The following DHX40 variants were observed in gnomAD, a reference collection of about 807,000 sequenced individuals.
The protein encoded by DHX40 is DEAH-box helicase 40.
A neutral mutation model predicts 89.6 loss-of-function variants in DHX40; 28 were observed. That is an observed-to-expected ratio of 0.31 (90% CI 0.23 to 0.43). The LOEUF (loss-of-function observed/expected upper bound fraction) is 0.43. Ranked by LOEUF, DHX40 falls within the 20% of genes least tolerant of loss-of-function variation. DHX40 has a pLI of 1.00. For missense variants in DHX40, 457 were observed against 844.0 expected (o/e 0.54, Z 5.68); for synonymous variants, 226 against 283.6 (o/e 0.80, Z 2.04).
rs576203723 is a variant in DHX40, at chr17:59,601,248, A to G, written c.1807-1274A>G. Among the ~76,000 whole-genome samples, 12 of 152,176 alleles carry G rather than the reference A, an allele frequency of 7.9e-5. No homozygotes were observed. In the East Asian group the frequency reaches 2.1e-3, roughly 27 times the overall value. On this transcript the variant is annotated intron_variant, in intron 14 of 17. Transcript: ENST00000251241. ...TGCTTGAGCCTAGGAGATCCAGGCTACAGTGAGCTGTGATCACACAACTTC... is the reference window on the plus strand; with the variant it reads ...TGCTTGAGCCTAGGAGATCCAGGCTGCAGTGAGCTGTGATCACACAACTTC...
intron 2 of DHX40, among the ~76,000 whole-genome samples, chr17:59,569,891 A>C (rs1353295668): frequency 6.9e-6 from 1 of 145,358 alleles, no homozygotes; most frequent in Non-Finnish European, 1.5e-5. Context: ...GCTAAAATAC[A>C]AAATTAGCCC....
At chr17:59,603,056 A>G (rs1417752158) in intron 15 of DHX40, among the ~76,000 whole-genome samples, 1 of 152,108 alleles carries the variant, frequency 6.6e-6, no homozygotes, top group African/African-American at 2.4e-5. Flanking sequence ...CTTTATAGAG[A>G]AAGGGGTAAC....
intron 12 of DHX40, among the ~76,000 whole-genome samples, chr17:59,597,970 G>A (rs1329921673): frequency 6.8e-6 from 1 of 147,376 alleles, no homozygotes; most frequent in East Asian, 2.0e-4. Context: ...GGGCTCAAGC[G>A]ATCTTCCCAC....
intron 17 of DHX40, among the ~76,000 whole-genome samples, chr17:59,606,658 A>T (rs1053081914): frequency 1.3e-5 from 2 of 151,386 alleles, no homozygotes; most frequent in Non-Finnish European, 2.9e-5. Flanking sequence ...AGGCAGGAGA[A>T]TGGCGTGAAC....
At chr17:59,585,657 A>C (rs907506966) in intron 10 of DHX40, among the ~76,000 whole-genome samples, 3 of 150,830 alleles carry the variant, frequency 2.0e-5, no homozygotes, top group Non-Finnish European at 2.9e-5. Flanking sequence ...TGGGAGATGG[A>C]GGTTGCAGTG....
chr17:59,585,123 G>C (rs925427511), intron 10 of DHX40, among the ~76,000 whole-genome samples: 1 of 57,710 alleles, frequency 1.7e-5, no homozygotes, highest in Non-Finnish European at 3.3e-5. Flanking sequence ...TGTCCGGCCG[G>C]GTGCGGTGGC....
Position 59,565,670 on chromosome 17 carries a change from C to T in DHX40, c.-2C>T. ...TGCTCGCCTCCACTCGGGGCCAGGT[C>T]TATGTCCCGGTTTCCCGCAGTCGCG... is the stretch of plus-strand genomic sequence containing the variant. On this transcript the variant is annotated 5_prime_UTR_variant, in exon 1 of 18. Coordinates refer to ENST00000251241, the MANE Select transcript of DHX40 (RefSeq NM_024612.5). The T allele has an allele frequency of 1.3e-6, 2 of 1,599,976 alleles. No individual in the cohort carries two copies. The highest frequency in any genetic ancestry group is 1.7e-6 in the Non-Finnish European group (2 of 1,179,064).
chr17:59,575,191 G>A, intron 6 of DHX40, 149 bp from the exon 7 acceptor site: 1 of 556,826 alleles, frequency 1.8e-6, no homozygotes, highest in Admixed American at 4.1e-5. Flanking sequence ...GTTGAAATAT[G>A]GTACAGCTTA....
At chr17:59,606,985 C>A in intron 17 of DHX40, 48 bp from the exon 18 acceptor site, 18 of 1,521,218 alleles carry the variant, frequency 1.2e-5, no homozygotes, top group Non-Finnish European at 1.6e-5. Flanking sequence ...ATTTCTAGTA[C>A]TGAATCTCAA....
chr17:59,597,374 TTAC>T (rs1372441853), intron 12 of DHX40, among the ~76,000 whole-genome samples: 169 of 84,366 alleles, frequency 2.0e-3, no homozygotes, highest in African/African-American at 0.01. Flanking sequence ...AGCTACACAC[TTAC>T]GTCCTGTGTA....
At chr17:59,590,601 C>G (rs924989714) in intron 12 of DHX40, among the ~76,000 whole-genome samples, 1 of 151,650 alleles carries the variant, frequency 6.6e-6, no homozygotes, top group African/African-American at 2.4e-5. Context: ...TCCCCAGCAG[C>G]TGGGACCACA....
At position 59,575,430 on chromosome 17, in the gene DHX40, A is replaced by G; in HGVS notation, c.932A>G (p.Asp311Gly). ...TATGATGTTCAAGATACCACCCTCG[A>G]TGGCTTGTTAATATTGCCGTGTTAT... ...YDYDVQDTTL[D>G]GLLILPCYGS... Residue 311 changes from aspartate to glycine, a missense_variant, in exon 7 of 18, where the codon GAT becomes GGT. Around this residue, in one of 9 missense-constraint regions of DHX40, gnomAD observed 116 missense variants for 188.9 expected, o/e 0.61. Transcript: ENST00000251241. The G allele has an allele frequency of 7.4e-6, 12 of 1,613,114 alleles. No homozygotes were observed. Among genetic ancestry groups the G allele is most frequent in the Non-Finnish European group, 9.3e-6 (11 of 1,179,586 alleles).
intron 3 of DHX40, among the ~76,000 whole-genome samples, chr17:59,571,685 G>A (rs2048811616): frequency 1.3e-5 from 2 of 151,466 alleles, no homozygotes; most frequent in African/African-American, 2.4e-5. Context: ...CTGCCTCCCA[G>A]GTTCTAGTGA....
At chr17:59,598,437 G>T (rs2030251999) in intron 12 of DHX40, among the ~76,000 whole-genome samples, 1 of 151,628 alleles carries the variant, frequency 6.6e-6, no homozygotes, top group African/African-American at 2.4e-5. Context: ...TTTTCTGTAA[G>T]CATGGATTAC....
At chr17:59,587,222 T>A (rs1446966409) in intron 11 of DHX40, among the ~76,000 whole-genome samples, 2 of 63,194 alleles carry the variant, frequency 3.2e-5, no homozygotes, top group Non-Finnish European at 4.9e-5. Context: ...CAAAGACATC[T>A]TCTTTTTTTT....
At position 59,602,836 on chromosome 17, in the gene DHX40, G is replaced by C. The variant is rs1158249171; in HGVS notation, c.1901+220G>C. Among the ~76,000 whole-genome samples the C allele has an allele frequency of 2.0e-5, 3 of 152,128 alleles. No homozygotes were observed. The East Asian group carries it at 5.8e-4, about 29-fold the overall frequency. ...TAGGGTAGGAGGGGTATGTTTGTAG[G>C]GTGGCTGTCCAGCATGGGTTATCTT... On this transcript the variant is annotated intron_variant, in intron 15 of 17. Transcript: ENST00000251241.
In DHX40 at chr17:59,601,183, A is replaced by C. The variant is rs1040080430; in HGVS notation, c.1807-1339A>C. Among the ~76,000 whole-genome samples the C allele has an allele frequency of 1.9e-4, 29 of 151,654 alleles. 1 individual carries two copies. In the East Asian group the frequency reaches 5.4e-3, roughly 28 times the overall value. On this transcript the variant is annotated intron_variant, in intron 14 of 17. Transcript: ENST00000251241. ...AAATTAGCCAGGCGTTGTGGCACAC[A>C]CCTGTAGTGTCAGTTACTCAGCAGG...
intron 8 of DHX40, among the ~76,000 whole-genome samples, chr17:59,577,775 G>A (rs1021678103): frequency 2.0e-5 from 3 of 151,966 alleles, no homozygotes; most frequent in Non-Finnish European, 4.4e-5. Context: ...TAACTACTTG[G>A]CAACTTGAAG....
intron 2 of DHX40, among the ~76,000 whole-genome samples, chr17:59,569,906 T>G (rs1023539802): frequency 6.9e-6 from 1 of 145,104 alleles, no homozygotes; most frequent in African/African-American, 2.5e-5. Flanking sequence ...TAGCCCGGCA[T>G]GGTGGCACAT....
Sources: gnomAD v4.1 joint callset for allele counts (sites outside exome capture counted in the v4.1 genomes callset) on GRCh38, gnomAD v4.1.1 for gene constraint, gnomAD v4.1.1 regional missense constraint, MANE v1.5 for transcripts, NCBI Gene and HGNC (gene_info 2026-07-23, HGNC 2026-07-21) for gene names.